Variants in GABRG3 observed in about 807,000 individuals in gnomAD.
GABRG3 encodes the protein gamma-aminobutyric acid receptor subunit gamma-3.
GABRG3 carries 25 observed loss-of-function variants against 48.8 expected under a neutral mutation model. The ratio of observed to expected loss-of-function variants is 0.51; its 90% CI spans 0.37 to 0.72. The LOEUF is 0.72. GABRG3 is among the 30% of genes least tolerant of loss of function. The pLI is 0.00. For synonymous variants in GABRG3, 227 were observed against 217.6 expected (o/e 1.04, Z -0.38); for missense variants, 394 against 577.9 (o/e 0.68, Z 3.26).
chr15:27,342,285 TA>T (rs1894209201), intron 5 of GABRG3, among the ~76,000 whole-genome samples: 1 of 152,178 alleles, frequency 6.6e-6, no homozygotes, highest in South Asian at 2.1e-4. Flanking sequence ...AACCGAGTCT[TA>T]GGGAAAGAAT....
chr15:27,307,448 CAT>C lies in GABRG3; in HGVS notation c.271-19357_271-19356del, dbSNP rs1491575535. Among the ~76,000 whole-genome samples, 3 of 60,396 alleles carry C rather than the reference CAT, an allele frequency of 5.0e-5. 1 individual carries two copies. The highest frequency in any genetic ancestry group is 1.8e-4 in the African/African-American group (3 of 16,238). 39.6% of individuals were successfully genotyped at this position (60,396 alleles called of 152,430 possible). Reference sequence around the variant, plus strand: ...ATAGGTTTATATATTTATATATAAACATATAGGTTTATATATTTATATATAAA... The same window carrying C: ...ATAGGTTTATATATTTATATATAAACATAGGTTTATATATTTATATATAAA... On this transcript the variant is annotated intron_variant, in intron 3 of 9. Transcript: ENST00000615808.
intron 3 of GABRG3, among the ~76,000 whole-genome samples, chr15:27,050,017 C>T (rs1896430439): frequency 6.6e-6 from 1 of 152,192 alleles, no homozygotes; most frequent in Non-Finnish European, 1.5e-5. Context: ...TTTCTCTATT[C>T]TGTTCTGAGA....
chr15:27,161,637 A>T (rs2140404294), intron 3 of GABRG3, among the ~76,000 whole-genome samples: 1 of 152,212 alleles, frequency 6.6e-6, no homozygotes, highest in Middle Eastern at 3.4e-3. Context: ...TTTTTCTTAA[A>T]ATTTGAATAC....
Position 27,459,618 on chromosome 15 carries a change from C to G in GABRG3, c.575-21032C>G, listed in dbSNP as rs574629696. ...CTAATGTAAATTGTATCTCAATAAA[C>G]CTGACAAAATATTTTTTAAAAAAGA... is the stretch of plus-strand genomic sequence containing the variant. On this transcript the variant is annotated intron_variant, in intron 5 of 9. Transcript: ENST00000615808. Among the ~76,000 whole-genome samples, 6 of 152,074 alleles carry G rather than the reference C, an allele frequency of 3.9e-5. No individual in the cohort carries two copies. The South Asian group carries it at 1.2e-3, about 32-fold the overall frequency.
intron 3 of GABRG3, among the ~76,000 whole-genome samples, chr15:27,029,103 C>G (rs770652439): frequency 7.2e-5 from 11 of 152,194 alleles, no homozygotes; most frequent in Non-Finnish European, 1.5e-4. Context: ...TATTAACTCT[C>G]TCATTTGTAA....
intron 5 of GABRG3, among the ~76,000 whole-genome samples, chr15:27,433,062 A>G (rs1888503583): frequency 6.6e-6 from 1 of 152,154 alleles, no homozygotes; most frequent in African/African-American, 2.4e-5. Flanking sequence ...GATTTTCTCT[A>G]CTGTGCTCCT....
chr15:26,999,507 C>T (rs1895405843), intron 2 of GABRG3, among the ~76,000 whole-genome samples: 1 of 152,050 alleles, frequency 6.6e-6, no homozygotes, highest in East Asian at 1.9e-4. Flanking sequence ...TGTTTTTCCC[C>T]CCTGTGAATT....
chr15:27,255,169 C>T (rs146326456), intron 3 of GABRG3, among the ~76,000 whole-genome samples: 3 of 152,344 alleles, frequency 2.0e-5, no homozygotes, highest in East Asian at 3.9e-4. Context: ...CAACAAGTTG[C>T]ACTCCTCCCC....
At chr15:27,313,262 G>GTGTGTATATATATATA (rs1430430961) in intron 3 of GABRG3, among the ~76,000 whole-genome samples, 1 of 34,564 alleles carries the variant, frequency 2.9e-5, no homozygotes, top group Non-Finnish European at 5.7e-5. Context: ...GTGTGTGTGT[G>GTGTGTATATATATATA]TATATATATA....
intron 3 of GABRG3, among the ~76,000 whole-genome samples, chr15:27,066,786 A>T (rs957278042): frequency 6.6e-6 from 1 of 152,162 alleles, no homozygotes; most frequent in African/African-American, 2.4e-5. Flanking sequence ...TTCCAGAATA[A>T]TCCCTTTCCT....
At chr15:27,106,368 T>C (rs1238661127) in intron 3 of GABRG3, among the ~76,000 whole-genome samples, 1 of 151,886 alleles carries the variant, frequency 6.6e-6, no homozygotes, top group African/African-American at 2.4e-5. Flanking sequence ...ATGTATCCCA[T>C]AACATCACAT....
intron 2 of GABRG3, among the ~76,000 whole-genome samples, chr15:26,983,338 C>T (rs2140640076): frequency 6.6e-6 from 1 of 152,164 alleles, no homozygotes; most frequent in Admixed American, 6.5e-5. Flanking sequence ...ACCCTGGGAG[C>T]CCCCGGGAGG....
chr15:27,395,537 G>T (rs1020772028), intron 5 of GABRG3, among the ~76,000 whole-genome samples: 2 of 152,116 alleles, frequency 1.3e-5, no homozygotes, highest in Admixed American at 1.3e-4. Flanking sequence ...CAATAGTGTA[G>T]ATACATAGAT....
intron 3 of GABRG3, among the ~76,000 whole-genome samples, chr15:27,213,054 G>C (rs1405645857): frequency 2.0e-5 from 3 of 152,060 alleles, no homozygotes; most frequent in Non-Finnish European, 2.9e-5. Flanking sequence ...CTTTACTTCA[G>C]TCTACTCTAG....
intron 9 of GABRG3, among the ~76,000 whole-genome samples, chr15:27,529,957 T>A (rs969892871): frequency 6.7e-6 from 1 of 148,882 alleles, no homozygotes; most frequent in Non-Finnish European, 1.5e-5. Flanking sequence ...GAAAAATAAT[T>A]CACAGACAGA....
chr15:27,172,524 C>A (rs117826766), intron 3 of GABRG3, among the ~76,000 whole-genome samples: 1,538 of 152,220 alleles, frequency 0.01, 16 homozygotes, highest in Non-Finnish European at 0.016. Context: ...TGCACTTTTG[C>A]AAATTAAACT....
chr15:27,454,525 C>T (rs938213926), intron 5 of GABRG3, among the ~76,000 whole-genome samples: 6 of 152,150 alleles, frequency 3.9e-5, no homozygotes, highest in African/African-American at 1.4e-4. Context: ...ATGATATGGT[C>T]CCAGAGTCCA....
chr15:27,262,730 G>T (rs1566984706), intron 3 of GABRG3, among the ~76,000 whole-genome samples: 1 of 152,216 alleles, frequency 6.6e-6, no homozygotes, highest in Non-Finnish European at 1.5e-5. Flanking sequence ...ATTTGCAAAT[G>T]ATTTTGAGAA....
At chr15:27,426,917 C>A (rs1306302941) in intron 5 of GABRG3, among the ~76,000 whole-genome samples, 1 of 152,154 alleles carries the variant, frequency 6.6e-6, no homozygotes, top group Non-Finnish European at 1.5e-5. Flanking sequence ...TGCTTTCAGT[C>A]CCATAAATTT....
Sources: gnomAD v4.1 joint callset for allele counts (sites outside exome capture counted in the v4.1 genomes callset) on GRCh38, gnomAD v4.1.1 for gene constraint, MANE v1.5 for transcripts, NCBI Gene and HGNC (gene_info 2026-07-23, HGNC 2026-07-21) for gene names.